Variants in COL25A1 observed in about 807,000 individuals in gnomAD.
COL25A1 encodes the protein collagen type XXV alpha 1 chain.
A neutral mutation model predicts 128.4 loss-of-function variants in COL25A1; 103 were observed. That is an observed-to-expected ratio of 0.80 (90% CI 0.68 to 0.94). COL25A1 has a LOEUF of 0.94. COL25A1 is among the 40% of genes least tolerant of loss of function. COL25A1 has a pLI of 0.00. For synonymous variants in COL25A1, 279 were observed against 277.2 expected, an observed-to-expected ratio of 1.01 and a Z score of -0.06; for missense variants, 745 against 840.0, an observed-to-expected ratio of 0.89 and a Z score of 1.40.
At chr4:109,099,610 TC>T (rs1765709082) in intron 3 of COL25A1, among the ~76,000 whole-genome samples, 1 of 144,236 alleles carries the variant, frequency 6.9e-6, no homozygotes, top group African/African-American at 2.7e-5. Flanking sequence ...AAATAGGTTC[TC>T]CCAAAGTTAT....
chr4:109,069,537 C>G (rs779308680), intron 3 of COL25A1, among the ~76,000 whole-genome samples: 3 of 152,168 alleles, frequency 2.0e-5, no homozygotes, highest in Non-Finnish European at 2.9e-5. Context: ...CAACTTTTAA[C>G]TACTACTTCA....
At chr4:109,138,703 GTTT>G (rs1403660299) in intron 3 of COL25A1, among the ~76,000 whole-genome samples, 1 of 151,368 alleles carries the variant, frequency 6.6e-6, no homozygotes, top group African/African-American at 2.4e-5. Flanking sequence ...TTTGTTTTTT[GTTT>G]TTTGTTTTTT....
intron 3 of COL25A1, among the ~76,000 whole-genome samples, chr4:109,278,888 T>C (rs1340915203): frequency 6.6e-6 from 1 of 152,186 alleles, no homozygotes; most frequent in Non-Finnish European, 1.5e-5. Flanking sequence ...AAAATCAAGG[T>C]GGCAGCAGAT....
chr4:109,158,062 C>T (rs1560786511), intron 3 of COL25A1, among the ~76,000 whole-genome samples: 1 of 152,102 alleles, frequency 6.6e-6, no homozygotes, highest in South Asian at 2.1e-4. Context: ...GTAAATTGTG[C>T]CCCTATAAGA....
chr4:109,036,068 C>T (rs1264089320), intron 5 of COL25A1, among the ~76,000 whole-genome samples: 1 of 152,002 alleles, frequency 6.6e-6, no homozygotes, highest in African/African-American at 2.4e-5. Context: ...GCTGGGACTA[C>T]AGGCGCCCGC....
intron 3 of COL25A1, among the ~76,000 whole-genome samples, chr4:109,094,279 CA>C (rs1765207601): frequency 6.6e-6 from 1 of 152,140 alleles, no homozygotes; most frequent in Admixed American, 6.5e-5. Flanking sequence ...ACTAGTCAAA[CA>C]AATATTCATT....
chr4:109,064,895 C>A (rs1462199273), intron 3 of COL25A1, among the ~76,000 whole-genome samples: 1 of 152,290 alleles, frequency 6.6e-6, no homozygotes, highest in South Asian at 2.1e-4. Context: ...TCACATCCAA[C>A]AGACATGCAG....
In COL25A1 at chr4:108,863,348, G is replaced by A. The variant is rs1191745546; in HGVS notation, c.1123C>T (p.Arg375Ter). ...GGTCCGGGGGCTCCAGGTTCCCCTC[G>A]CTCACCTCTTCCAGGAGGCCCTGCT... is the stretch of plus-strand genomic sequence containing the variant. Reference protein sequence around the residue: ...GEAGPPGRGERGEPGAPGPKG... With the variant: ...GEAGPPGRGE The change falls in exon 21 of 38, where the codon CGA becomes TGA. Residue 375 changes from arginine (R) to a stop codon, truncating the protein, a stop_gained. Transcript: ENST00000399132. LOFTEE classifies it high-confidence loss of function. 4 of 1,613,552 alleles carry A rather than the reference G, an allele frequency of 2.5e-6. No individual in the cohort carries two copies. Among genetic ancestry groups the A allele is most frequent in the Admixed American group, 1.7e-5 (1 of 59,936 alleles).
intron 6 of COL25A1, among the ~76,000 whole-genome samples, chr4:109,002,131 A>G (rs1344262327): frequency 6.6e-6 from 1 of 152,236 alleles, no homozygotes; most frequent in African/African-American, 2.4e-5. Context: ...TAGTATAACC[A>G]TCATGGAGAA....
intron 3 of COL25A1, among the ~76,000 whole-genome samples, chr4:109,160,292 T>C (rs1394549207): frequency 1.3e-5 from 2 of 152,174 alleles, no homozygotes; most frequent in Non-Finnish European, 2.9e-5. Flanking sequence ...AAGTTGAACA[T>C]ACGTGTAAAG....
At chr4:108,911,943 A>C (rs935230520) in intron 13 of COL25A1, among the ~76,000 whole-genome samples, 1 of 152,078 alleles carries the variant, frequency 6.6e-6, no homozygotes, top group African/African-American at 2.4e-5. Context: ...AACTGGTATC[A>C]AACTTTATAG....
chr4:109,056,702 C>T (rs926254305), intron 3 of COL25A1, among the ~76,000 whole-genome samples: 3 of 151,462 alleles, frequency 2.0e-5, no homozygotes, highest in Non-Finnish European at 4.4e-5. Context: ...ATACATTAGA[C>T]CACCTAAAGC....
At chr4:108,852,190 C>G in intron 26 of COL25A1, 46 bp downstream of exon 26, 1 of 1,428,956 alleles carries the variant, frequency 7.0e-7, no homozygotes, top group South Asian at 1.2e-5. Context: ...ATACGGTATT[C>G]CCTGCACTGT....
intron 3 of COL25A1, among the ~76,000 whole-genome samples, chr4:109,065,813 T>C (rs79970584): frequency 0.013 from 1,990 of 152,324 alleles, 39 homozygotes; most frequent in African/African-American, 0.045. Context: ...ACCTTCCTTG[T>C]GATGACAGAT....
chr4:108,969,710 C>G (rs897894851), intron 8 of COL25A1, among the ~76,000 whole-genome samples: 4 of 152,080 alleles, frequency 2.6e-5, no homozygotes, highest in Admixed American at 2.6e-4. Flanking sequence ...TCCAATGATA[C>G]CTGATGTTCC....
intron 24 of COL25A1, among the ~76,000 whole-genome samples, chr4:108,854,670 T>G (rs1206051039): frequency 1.3e-5 from 2 of 152,132 alleles, no homozygotes; most frequent in Non-Finnish European, 2.9e-5. Context: ...AGATACCATC[T>G]CATGCCAGTT....
chr4:108,844,642 T>G (rs1734869413), intron 29 of COL25A1, 73 bp from the exon 30 acceptor site: 1 of 1,558,474 alleles, frequency 6.4e-7, no homozygotes, highest in African/African-American at 1.4e-5. Flanking sequence ...AATCTTGTGC[T>G]GGGGTTCTGC....
Position 109,263,252 on chromosome 4 carries a change from G to T in COL25A1, c.367+37331C>A, listed in dbSNP as rs191487419. 3.9e-5 allele frequency among the ~76,000 whole-genome samples: 6 copies of T among 152,310 alleles called. 1 individual carries two copies. Among genetic ancestry groups the T allele is most frequent in the Non-Finnish European group, 1.5e-5 (1 of 68,016 alleles). ...GAGTTGCTAGAGATATATTTTAAAA[G>T]AACACAATAGTGAGCCTTTACAGAG... On this transcript the variant is annotated intron_variant, in intron 3 of 37. Coordinates refer to ENST00000399132, the MANE Select transcript of COL25A1 (RefSeq NM_198721.4).
At chr4:109,185,709 C>T (rs1401583469) in intron 3 of COL25A1, among the ~76,000 whole-genome samples, 2 of 152,152 alleles carry the variant, frequency 1.3e-5, no homozygotes, top group African/African-American at 4.8e-5. Context: ...GGGTGTGGCC[C>T]TGATCTAACA....
Sources: allele counts gnomAD v4.1 joint callset (sites outside exome capture counted in the v4.1 genomes callset), GRCh38; gene constraint gnomAD v4.1.1; transcripts MANE v1.5; gene names NCBI Gene and HGNC (gene_info 2026-07-23, HGNC 2026-07-21).